C12orf42: variants seen among roughly 807,000 people sequenced by gnomAD.
The protein encoded by C12orf42 is chromosome 12 open reading frame 42.
C12orf42 carries 25 observed loss-of-function variants against 21.6 expected under a neutral mutation model. The ratio of observed to expected loss-of-function variants is 1.16; its 90% CI spans 0.84 to 1.62. The LOEUF (loss-of-function observed/expected upper bound fraction) is 1.62. Ranked by LOEUF, C12orf42 falls within the 40% of genes most tolerant of loss-of-function variation. C12orf42 has a pLI of 0.00. For synonymous variants in C12orf42, 174 were observed against 175.0 expected (o/e 0.99, Z 0.05); for missense variants, 483 against 459.3 (o/e 1.05, Z -0.47).
At chr12:103,243,042 G>A (rs1180004729) in intron 10 of C12orf42, among the ~76,000 whole-genome samples, 1 of 151,824 alleles carries the variant, frequency 6.6e-6, no homozygotes, top group Non-Finnish European at 1.5e-5. Context: ...TTTTTTTTAA[G>A]AGATAGGGTC....
the C12orf42 span, among the ~76,000 whole-genome samples, chr12:103,109,598 A>G: frequency 2.0e-5 from 3 of 148,704 alleles, no homozygotes; most frequent in Non-Finnish European, 3.0e-5. Context: ...TATAATTTAT[A>G]TAATATAATT....
chr12:103,141,571 C>A, the C12orf42 span, among the ~76,000 whole-genome samples: 1 of 148,984 alleles, frequency 6.7e-6, no homozygotes, highest in Non-Finnish European at 1.5e-5. Flanking sequence ...CTCTTGTAGC[C>A]CAAGGCAGAG....
At chr12:103,461,979 A>G (rs1240345991) in intron 2 of C12orf42, among the ~76,000 whole-genome samples, 1 of 151,794 alleles carries the variant, frequency 6.6e-6, no homozygotes, top group Non-Finnish European at 1.5e-5. Flanking sequence ...TGGCACATCT[A>G]CTTAGTCTGG....
the C12orf42 span, among the ~76,000 whole-genome samples, chr12:103,069,507 T>C: frequency 6.6e-6 from 1 of 152,182 alleles, no homozygotes; most frequent in Non-Finnish European, 1.5e-5. Context: ...ACTCTAGTTA[T>C]AAGAAAGTGT....
chr12:103,296,434 G>A (rs974650070), intron 4 of C12orf42, among the ~76,000 whole-genome samples: 2 of 152,004 alleles, frequency 1.3e-5, no homozygotes, highest in South Asian at 2.1e-4. Context: ...CTGAGGAATC[G>A]CCACAGTCTT....
chr12:103,146,952 C>T, the C12orf42 span, among the ~76,000 whole-genome samples: 1 of 152,148 alleles, frequency 6.6e-6, no homozygotes. Context: ...AAGAATGCTT[C>T]AGCCTGAAGG....
chr12:103,369,848 G>C (rs187833864), intron 3 of C12orf42, among the ~76,000 whole-genome samples: 2 of 151,998 alleles, frequency 1.3e-5, no homozygotes, highest in Non-Finnish European at 2.9e-5. Flanking sequence ...GACACCAAAA[G>C]CAATTGCAAC....
chr12:103,364,304 G>A (rs2044387967), intron 4 of C12orf42, among the ~76,000 whole-genome samples: 1 of 151,950 alleles, frequency 6.6e-6, no homozygotes, highest in Admixed American at 6.6e-5. Context: ...AACAATAATA[G>A]TGACACAACC....
At chr12:103,069,665 T>C in the C12orf42 span, among the ~76,000 whole-genome samples, 2 of 152,192 alleles carry the variant, frequency 1.3e-5, no homozygotes, top group African/African-American at 4.8e-5. Context: ...AGTCAAGCCT[T>C]CGTAAGTCAG....
intron 4 of C12orf42, among the ~76,000 whole-genome samples, chr12:103,278,868 T>C (rs989926122): frequency 3.3e-5 from 5 of 152,338 alleles, no homozygotes; most frequent in East Asian, 1.9e-4. Flanking sequence ...AATGGGCATG[T>C]AGAAACTCCA....
At chr12:103,251,141 G>A (rs1001807114) in intron 10 of C12orf42, among the ~76,000 whole-genome samples, 1 of 152,044 alleles carries the variant, frequency 6.6e-6, no homozygotes, top group Non-Finnish European at 1.5e-5. Context: ...CTGACCTCAT[G>A]GGCTGGTCAT....
intron 3 of C12orf42, among the ~76,000 whole-genome samples, chr12:103,380,627 T>C (rs974599844): frequency 1.4e-4 from 22 of 152,180 alleles, no homozygotes; most frequent in Non-Finnish European, 2.8e-4. Context: ...TAGCTGAGAT[T>C]CTCCAAACCA....
At chr12:103,060,576 T>C in the C12orf42 span, among the ~76,000 whole-genome samples, 1 of 152,174 alleles carries the variant, frequency 6.6e-6, no homozygotes, top group East Asian at 1.9e-4. Context: ...CTTCCAACTA[T>C]ACTACAAGGC....
chr12:103,066,498 C>T, the C12orf42 span, among the ~76,000 whole-genome samples: 6 of 152,192 alleles, frequency 3.9e-5, no homozygotes, highest in East Asian at 1.9e-4. Flanking sequence ...TGGTTCTGCA[C>T]GATATGCAGG....
chr12:103,303,859 C>CT (rs2038004441), intron 5 of C12orf42, among the ~76,000 whole-genome samples: 1 of 152,178 alleles, frequency 6.6e-6, no homozygotes, highest in Non-Finnish European at 1.5e-5. Flanking sequence ...ACACTAGGTG[C>CT]TTAATAGCTG....
intron 2 of C12orf42, among the ~76,000 whole-genome samples, chr12:103,452,785 C>T (rs1952033431): frequency 6.6e-6 from 1 of 151,840 alleles, no homozygotes; most frequent in South Asian, 2.1e-4. Context: ...GACAAAAAAC[C>T]AAACACCAAA....
the C12orf42 span, among the ~76,000 whole-genome samples, chr12:103,225,415 A>G: frequency 6.6e-6 from 1 of 152,150 alleles, no homozygotes. Flanking sequence ...GTGTTGCGGG[A>G]CGGGATATTG....
chr12:103,190,787 T>C, the C12orf42 span, among the ~76,000 whole-genome samples: 1 of 152,138 alleles, frequency 6.6e-6, no homozygotes, highest in Non-Finnish European at 1.5e-5. Flanking sequence ...TAAACCAATG[T>C]ACATATTATG....
At chr12:103,173,980 A>G in the C12orf42 span, among the ~76,000 whole-genome samples, 1 of 152,198 alleles carries the variant, frequency 6.6e-6, no homozygotes, top group Non-Finnish European at 1.5e-5. Context: ...CTTGCCCCAC[A>G]TAAAAGAGAT....
Sources: gnomAD v4.1 joint callset for allele counts (sites outside exome capture counted in the v4.1 genomes callset) on GRCh38, gnomAD v4.1.1 for gene constraint, MANE v1.5 for transcripts, NCBI Gene and HGNC (gene_info 2026-07-23, HGNC 2026-07-21) for gene names.